Variants in DKC1 observed in about 807,000 individuals in gnomAD.
The protein encoded by DKC1 is H/ACA ribonucleoprotein complex subunit DKC1.
A neutral mutation model predicts 46.7 loss-of-function variants in DKC1; 4 were observed. The ratio of observed to expected loss-of-function variants is 0.09; its 90% confidence interval spans 0.04 to 0.20. DKC1 has a LOEUF of 0.20. Among genes scored for constraint, DKC1 ranks in the 10% least tolerant of loss-of-function variants. DKC1 has a pLI of 1.00. For synonymous variants in DKC1, 141 were observed against 142.4 expected (o/e 0.99, Z 0.07); for missense variants, 171 against 404.2 (o/e 0.42, Z 4.95).
At chrX:154,773,525 A>G (rs1468537099) in intron 11 of DKC1, among the ~76,000 whole-genome samples, 1 of 108,922 alleles carries the variant, frequency 9.2e-6, no homozygotes, top group African/African-American at 3.4e-5. Context: ...GCTGCCTTCA[A>G]GCATCTGTTT....
Position 154,766,013 on chromosome X carries a change from G to A in DKC1, c.263+15G>A. 8.7e-7 allele frequency: 1 copy of A among 1,150,253 alleles called. No homozygotes were observed. Among genetic ancestry groups the A allele is most frequent in the Non-Finnish European group, 1.2e-6 (1 of 839,292 alleles). 94.8% of individuals were successfully genotyped at this position (1,150,253 alleles called of 1,213,427 possible). On this transcript the variant is annotated intron_variant, in intron 4 of 14. Transcript: ENST00000369550. ...GACTATATCAGGTAAGTGTTGGGAG[G>A]AGGCACTGTGCAAACTTACTTTCTT... is the stretch of plus-strand genomic sequence containing the variant.
chrX:154,775,952 C>T (rs1379363059), intron 13 of DKC1, among the ~76,000 whole-genome samples: 1 of 112,197 alleles, frequency 8.9e-6, no homozygotes, highest in African/African-American at 3.2e-5. Flanking sequence ...CCCCAAGCCC[C>T]GTGCTGCTGC....
In DKC1 at chrX:154,767,019, C is replaced by T. The variant is rs1557264257; in HGVS notation, c.471C>T (p.Val157=). The T allele has an allele frequency of 8.3e-7, 1 of 1,211,288 alleles. No homozygotes were observed. The highest frequency in any genetic ancestry group is 3.0e-5 in the East Asian group (1 of 33,856). The change falls in exon 6 of 15, where the codon GTC becomes GTT. Residue 157 remains valine, a synonymous_variant. Coordinates refer to ENST00000369550, the MANE Select transcript of DKC1 (RefSeq NM_001363.5). ...QSAGKEYVGI[V]RLHNAIEGGT... is the part of the protein sequence containing the mutation. ...CAGGCAAAGAGTATGTGGGGATTGT[C>T]CGGCTGCACAATGCTATTGAAGGGG...
chrX:154,777,542 G>A lies in DKC1; in HGVS notation c.*675G>A, dbSNP rs1342262953. Reference sequence around the variant, plus strand: ...AATTGTTCATTGCTGGGAGAAGAATGTTGTAATTTTTACTTATTAAAGTCA... The same window carrying A: ...AATTGTTCATTGCTGGGAGAAGAATATTGTAATTTTTACTTATTAAAGTCA... On this transcript the variant is annotated 3_prime_UTR_variant, in exon 15 of 15. Coordinates refer to ENST00000369550, the MANE Select transcript of DKC1 (RefSeq NM_001363.5). 8.9e-6 allele frequency: 1 copy of A among 112,440 alleles called. No homozygotes were observed. The highest frequency in any genetic ancestry group is 3.2e-5 in the African/African-American group (1 of 30,924). 9.3% of individuals were successfully genotyped at this position (112,440 alleles called of 1,213,427 possible).
At position 154,765,546 on chromosome X, in the gene DKC1, C is replaced by G. The variant is rs1033528226; in HGVS notation, c.171+16C>G. On this transcript the variant is annotated intron_variant, in intron 3 of 14. Coordinates refer to ENST00000369550, the MANE Select transcript of DKC1 (RefSeq NM_001363.5). ...TTTGCTAAAGGTATGTGGTTAAAAT[C>G]GTGCATCAGATGAATGCCTGCTTTT... The G allele has an allele frequency of 1.8e-6, 2 of 1,113,152 alleles. No homozygotes were observed. Among genetic ancestry groups the G allele is most frequent in the African/African-American group, 3.6e-5 (2 of 55,924 alleles). The allele number at this position is 1,113,152 out of a possible 1,213,427, so 91.7% of individuals were successfully genotyped here.
Position 154,776,282 on chromosome X carries a change from G to A in DKC1, c.1434G>A (p.Lys478=). 1 of 1,207,771 alleles carries A rather than the reference G, an allele frequency of 8.3e-7. No homozygotes were observed. The highest frequency in any genetic ancestry group is 1.1e-6 in the Non-Finnish European group (1 of 893,105). The change falls in exon 14 of 15, where the codon AAG becomes AAA. Residue 478 remains lysine, a synonymous_variant. Transcript: ENST00000369550. ...AGAAGAAGAGTAAGAAGGACAAGAA[G>A]GCCAAAGCTGGTCTGGAGAGCGGGG... ...KEKKKSKKDK[K]AKAGLESGAE...
intron 8 of DKC1, 41 bp downstream of exon 8, chrX:154,768,473 C>T: frequency 8.3e-7 from 1 of 1,208,319 alleles, no homozygotes; most frequent in East Asian, 3.0e-5. Flanking sequence ...CTGGTTCTTA[C>T]CATCTGCCAG....
intron 11 of DKC1, among the ~76,000 whole-genome samples, chrX:154,773,772 A>G (rs1214219289): frequency 1.8e-5 from 2 of 112,544 alleles, no homozygotes; most frequent in Non-Finnish European, 3.8e-5. Context: ...TCTATTCCAC[A>G]AAACCGCCAT....
chrX:154,776,789 T>C lies in DKC1; in HGVS notation c.1477-10T>C, dbSNP rs1283178207. The C allele has an allele frequency of 3.3e-6, 4 of 1,205,773 alleles. No homozygotes were observed. Among genetic ancestry groups the C allele is most frequent in the East Asian group, 3.0e-5 (1 of 33,717 alleles). On this transcript the variant is annotated splice_polypyrimidine_tract_variant and intron_variant, in intron 14 of 14. Coordinates refer to ENST00000369550, the MANE Select transcript of DKC1 (RefSeq NM_001363.5). ...TGGTATCTGTGAGCTTTCATTCTCTTTCTTTCTAGGACAGTGATACCACCA... is the reference window on the plus strand; with the variant it reads ...TGGTATCTGTGAGCTTTCATTCTCTCTCTTTCTAGGACAGTGATACCACCA...
At position 154,774,686 on chromosome X, in the gene DKC1, C is replaced by G. The variant is rs782342974; in HGVS notation, c.1240C>G (p.Gln414Glu). The change falls in exon 12 of 15, where the codon CAG becomes GAG. Residue 414 changes from glutamine (Q) to glutamate (E), a missense_variant. Gln to Glu is a conservative substitution (Grantham distance 29, BLOSUM62 2). Around this residue, in one of 4 missense-constraint regions of DKC1, gnomAD observed 60 missense variants for 206.5 expected, o/e 0.29. Coordinates refer to ENST00000369550, the MANE Select transcript of DKC1 (RefSeq NM_001363.5). The stretch of plus-strand genomic sequence containing the variant: ...AGACAGCACACCTGCCACCTGGAAG[C>G]AGGAGTATGTTGACTACAGGTGAGG... ...PTDSTPATWK[Q>E]EYVDYSESAK... 1.1e-4 allele frequency: 133 copies of G among 1,209,195 alleles called. No homozygotes were observed. The highest frequency in any genetic ancestry group is 1.5e-4 in the Non-Finnish European group (133 of 894,365).
chrX:154,775,336 C>A, intron 13 of DKC1, 63 bp downstream of exon 13: 2 of 1,054,020 alleles, frequency 1.9e-6, no homozygotes, highest in Non-Finnish European at 2.7e-6. Flanking sequence ...GAGGCACTGG[C>A]ATTCGTCTTA....
In DKC1 at chrX:154,776,965, C is replaced by T; in HGVS notation, c.*98C>T. The T allele has an allele frequency of 2.7e-6, 2 of 751,663 alleles. No individual in the cohort carries two copies. The highest frequency in any genetic ancestry group is 3.9e-6 in the Non-Finnish European group (2 of 508,505). 61.9% of individuals were successfully genotyped at this position (751,663 alleles called of 1,213,427 possible). A position where few individuals can be genotyped will look rare whatever the true frequency, so the allele number is the denominator to read the frequency against. ...GAGAGAGTGGAACATAGGTCCTAGA[C>T]AGGGTGAAGAGTTCTGGCACATTTT... On this transcript the variant is annotated 3_prime_UTR_variant, in exon 15 of 15. Coordinates refer to ENST00000369550, the MANE Select transcript of DKC1 (RefSeq NM_001363.5).
intron 13 of DKC1, among the ~76,000 whole-genome samples, chrX:154,775,616 A>G (rs2071886725): frequency 8.9e-6 from 1 of 112,140 alleles, no homozygotes; most frequent in Admixed American, 9.4e-5. Flanking sequence ...AAATGGTAGG[A>G]CAGATGTGTT....
intron 13 of DKC1, 92 bp downstream of exon 13, chrX:154,775,365 TC>T: frequency 1.2e-6 from 1 of 852,174 alleles, no homozygotes; most frequent in Non-Finnish European, 1.7e-6. Context: ...CTGTCCGCAG[TC>T]CAGCCATATA....
Position 154,766,993 on chromosome X carries a change from T to C in DKC1, c.449-4T>C, listed in dbSNP as rs1422576540. 1 of 1,209,289 alleles carries C rather than the reference T, an allele frequency of 8.3e-7. No individual in the cohort carries two copies. The highest frequency in any genetic ancestry group is 1.1e-6 in the Non-Finnish European group (1 of 894,305). ...CACCTGACTACTCTTTTGTCATTTTTCAGGCAAAGAGTATGTGGGGATTGT... is the reference window on the plus strand; with the variant it reads ...CACCTGACTACTCTTTTGTCATTTTCCAGGCAAAGAGTATGTGGGGATTGT... On this transcript the variant is annotated splice_polypyrimidine_tract_variant and splice_region_variant and intron_variant, in intron 5 of 14. Transcript: ENST00000369550.
rs1557265534 is a variant in DKC1, at chrX:154,775,195, T to C, written c.1260T>C (p.Ser420=). The change falls in exon 13 of 15, where the codon AGT becomes AGC. Residue 420 remains serine (S), a splice_region_variant and synonymous_variant. Coordinates refer to ENST00000369550, the MANE Select transcript of DKC1 (RefSeq NM_001363.5). ...ATWKQEYVDY[S]ESAKKEVVAE... ...TGACCTATTGCTACCTCTTTTTCAG[T>C]GAGTCTGCCAAAAAAGAGGTGGTTG... 1.7e-6 allele frequency: 2 copies of C among 1,210,232 alleles called. No individual in the cohort carries two copies.
intron 10 of DKC1, 119 bp downstream of exon 10, chrX:154,770,998 A>G: frequency 1.4e-6 from 1 of 701,949 alleles, no homozygotes; most frequent in Non-Finnish European, 2.2e-6. Flanking sequence ...TAATCACATC[A>G]TGGAGAATGG....
chrX:154,775,425 C>G, intron 13 of DKC1, 152 bp downstream of exon 13: 1 of 571,618 alleles, frequency 1.7e-6, no homozygotes, highest in Non-Finnish European at 3.0e-6. Flanking sequence ...TGCCTCATAC[C>G]CTGGGGTGCT....
chrX:154,776,309 C>T lies in DKC1; in HGVS notation c.1461C>T (p.Ala487=), dbSNP rs1127051. Reference sequence around the variant, plus strand: ...CCAAAGCTGGTCTGGAGAGCGGGGCCGAGCCTGGAGATGGGGTGTGTGGAA... The same window carrying T: ...CCAAAGCTGGTCTGGAGAGCGGGGCTGAGCCTGGAGATGGGGTGTGTGGAA... The part of the protein sequence containing the change: ...KKAKAGLESG[A]EPGDGDSDTT... The change falls in exon 14 of 15, where the codon GCC becomes GCT. Residue 487 remains alanine, a synonymous_variant. Coordinates refer to ENST00000369550, the MANE Select transcript of DKC1 (RefSeq NM_001363.5). The T allele has an allele frequency of 0.062, 74,104 of 1,193,942 alleles. 1,815 individuals are homozygous for T. Among genetic ancestry groups the T allele is most frequent in the African/African-American group, 0.12 (6,884 of 56,748 alleles).
Sources: gnomAD v4.1 joint callset for allele counts (sites outside exome capture counted in the v4.1 genomes callset) on GRCh38, gnomAD v4.1.1 for gene constraint, gnomAD v4.1.1 regional missense constraint, MANE v1.5 for transcripts, NCBI Gene and HGNC (gene_info 2026-07-23, HGNC 2026-07-21) for gene names.